The following ZCWPW2 variants were observed in gnomAD, a reference collection of about 807,000 sequenced individuals.
ZCWPW2 encodes zinc finger CW-type and PWWP domain containing 2, also known as zinc finger CW-type PWWP domain protein 2.
Under a neutral mutation model 46.6 loss-of-function variants are expected in ZCWPW2, and 45 were observed. The observed-to-expected ratio is 0.96, with a 90% CI of 0.76 to 1.24. The LOEUF (loss-of-function observed/expected upper bound fraction) is 1.24, where lower values mean the gene tolerates loss of function less well. ZCWPW2 is among the 50% of genes most tolerant of loss of function. ZCWPW2 has a pLI of 0.00. For missense variants in ZCWPW2, 429 were observed against 403.9 expected (o/e 1.06, Z -0.53); for synonymous variants, 152 against 137.1 (o/e 1.11, Z -0.76).
intron 6 of ZCWPW2, among the ~76,000 whole-genome samples, chr3:28,499,193 T>C (rs977383458): frequency 1.3e-5 from 2 of 152,198 alleles, no homozygotes; most frequent in South Asian, 4.1e-4. Flanking sequence ...AAATGTTATT[T>C]CTGGTTCTAA....
chr3:28,413,763 A>C (rs1364805654), intron 3 of ZCWPW2, among the ~76,000 whole-genome samples: 2 of 152,028 alleles, frequency 1.3e-5, no homozygotes, highest in East Asian at 3.9e-4. Flanking sequence ...GTGTCTTTAA[A>C]TTACCAAATA....
intron 6 of ZCWPW2, among the ~76,000 whole-genome samples, chr3:28,495,583 A>C (rs1011500855): frequency 6.6e-6 from 1 of 152,072 alleles, no homozygotes; most frequent in African/African-American, 2.4e-5. Context: ...AAGAGTAATC[A>C]TTTATGAACT....
At chr3:28,492,513 C>T (rs1221014996) in intron 6 of ZCWPW2, among the ~76,000 whole-genome samples, 4 of 151,988 alleles carry the variant, frequency 2.6e-5, no homozygotes. Flanking sequence ...TACACAATCT[C>T]ATAGAAAATT....
intron 5 of ZCWPW2, among the ~76,000 whole-genome samples, chr3:28,485,679 G>T (rs1225672968): frequency 6.6e-6 from 1 of 152,032 alleles, no homozygotes; most frequent in Non-Finnish European, 1.5e-5. Flanking sequence ...TCTGAAGTCT[G>T]CTCTGTTTCA....
In ZCWPW2 at chr3:28,495,648, T is replaced by A. The variant is rs114255575; in HGVS notation, c.657+3475T>A. 8.0e-3 allele frequency among the ~76,000 whole-genome samples: 1,222 copies of A among 152,106 alleles called. 16 individuals are homozygous for A. Among genetic ancestry groups the A allele is most frequent in the African/African-American group, 0.028 (1,165 of 41,536 alleles). Reference sequence around the variant, plus strand: ...GTCTGTTGAATCTGATAGCATAAAATGGAGCTTGTATTTTTTAATATGTCT... The same window carrying A: ...GTCTGTTGAATCTGATAGCATAAAAAGGAGCTTGTATTTTTTAATATGTCT... On this transcript the variant is annotated intron_variant, in intron 6 of 9. Coordinates refer to ENST00000383768, the MANE Select transcript of ZCWPW2 (RefSeq NM_001040432.4).
chr3:28,357,817 A>C (rs530571509), intron 1 of ZCWPW2, among the ~76,000 whole-genome samples: 1 of 147,974 alleles, frequency 6.8e-6, no homozygotes, highest in African/African-American at 2.5e-5. Context: ...ATATATATAT[A>C]TATCTCCATA....
Position 28,348,999 on chromosome 3 carries a change from T to C in ZCWPW2, c.-338T>C, listed in dbSNP as rs1704408649. 3 of 985,830 alleles carry C rather than the reference T, an allele frequency of 3.0e-6. No homozygotes were observed. In the South Asian group the frequency reaches 1.4e-4, roughly 46 times the overall value. The allele number at this position is 985,830 out of a possible 1,614,324, so 61.1% of individuals were successfully genotyped here. ...TCTCAGCCGGAAAAGGGGCTGCCGC[T>C]GTCCGCGGGCTCGGCGCCAGGGACG... On this transcript the variant is annotated 5_prime_UTR_variant, in exon 1 of 10. Coordinates refer to ENST00000383768, the MANE Select transcript of ZCWPW2 (RefSeq NM_001040432.4).
At chr3:28,393,240 G>A (rs1695565750) in intron 2 of ZCWPW2, among the ~76,000 whole-genome samples, 1 of 151,936 alleles carries the variant, frequency 6.6e-6, no homozygotes, top group African/African-American at 2.4e-5. Context: ...CTACCAAGAT[G>A]GAATCATGAA....
chr3:28,474,783 C>T (rs1200063570), intron 4 of ZCWPW2, among the ~76,000 whole-genome samples: 1 of 150,686 alleles, frequency 6.6e-6, no homozygotes, highest in Non-Finnish European at 1.5e-5. Context: ...TGAGAAGTCT[C>T]ATGTCAGTAT....
At chr3:28,437,607 G>T (rs1297978237) in intron 4 of ZCWPW2, among the ~76,000 whole-genome samples, 2 of 152,126 alleles carry the variant, frequency 1.3e-5, no homozygotes, top group Non-Finnish European at 2.9e-5. Flanking sequence ...ACAGTACTCA[G>T]TCATTCTCTA....
At chr3:28,385,087 C>A (rs752797382) in intron 1 of ZCWPW2, among the ~76,000 whole-genome samples, 38 of 152,058 alleles carry the variant, frequency 2.5e-4, no homozygotes, top group Non-Finnish European at 5.0e-4. Flanking sequence ...ATTTCTCATG[C>A]TTTTGGGGGA....
At chr3:28,399,093 T>G (rs1695820526) in intron 2 of ZCWPW2, among the ~76,000 whole-genome samples, 2 of 152,148 alleles carry the variant, frequency 1.3e-5, no homozygotes, top group Admixed American at 1.3e-4. Flanking sequence ...GTGATGTTGC[T>G]GGGGGCATGG....
chr3:28,458,605 A>G (rs1048408251), intron 4 of ZCWPW2, among the ~76,000 whole-genome samples: 3 of 152,090 alleles, frequency 2.0e-5, no homozygotes, highest in Non-Finnish European at 2.9e-5. Context: ...TATGATTACA[A>G]ACTCCAGATT....
chr3:28,477,135 T>C (rs1320723404), intron 4 of ZCWPW2, among the ~76,000 whole-genome samples: 1 of 152,202 alleles, frequency 6.6e-6, no homozygotes, highest in Non-Finnish European at 1.5e-5. Context: ...TAATTTCTAA[T>C]TTAATATTAT....
intron 1 of ZCWPW2, among the ~76,000 whole-genome samples, chr3:28,385,109 G>T (rs1211493770): frequency 1.3e-5 from 2 of 152,190 alleles, no homozygotes; most frequent in African/African-American, 4.8e-5. Flanking sequence ...ATATTAAGAT[G>T]ATCATATGGT....
intron 1 of ZCWPW2, among the ~76,000 whole-genome samples, chr3:28,359,576 T>C (rs13068978): frequency 0.21 from 31,652 of 152,070 alleles, 3,694 homozygotes; most frequent in Admixed American, 0.28. Context: ...TACTTCGTAA[T>C]CCTGACTTTG....
At chr3:28,511,239 A>G (rs994613182) in intron 6 of ZCWPW2, 4 of 263,344 alleles carry the variant, frequency 1.5e-5, no homozygotes, top group African/African-American at 8.8e-5. Context: ...TCTATTCTTT[A>G]TATGGGTCAT....
chr3:28,450,682 A>G (rs539341122), intron 4 of ZCWPW2, among the ~76,000 whole-genome samples: 1 of 152,184 alleles, frequency 6.6e-6, no homozygotes, highest in South Asian at 2.1e-4. Flanking sequence ...TTTTGGCCAT[A>G]TATCTTAGTG....
chr3:28,452,696 T>A (rs1240804078), intron 4 of ZCWPW2, among the ~76,000 whole-genome samples: 2 of 152,206 alleles, frequency 1.3e-5, no homozygotes, highest in African/African-American at 2.4e-5. Context: ...GTGCTTGTCA[T>A]ACAGTAGGCT....
Sources: allele counts gnomAD v4.1 joint callset (sites outside exome capture counted in the v4.1 genomes callset), GRCh38; gene constraint gnomAD v4.1.1; transcripts MANE v1.5; gene names NCBI Gene and HGNC (gene_info 2026-07-23, HGNC 2026-07-21).